The following RBM47 variants were observed in gnomAD, a reference collection of about 807,000 sequenced individuals.
RBM47 encodes RNA-binding protein 47.
A neutral mutation model predicts 47.1 loss-of-function variants in RBM47; 21 were observed. That is an observed-to-expected ratio of 0.45 (90% CI 0.32 to 0.64). RBM47 has a LOEUF of 0.64. Among genes scored for constraint, RBM47 ranks in the 30% least tolerant of loss-of-function variants. The pLI, the probability that RBM47 is intolerant of heterozygous loss-of-function variation, is 0.05. For missense variants in RBM47, 708 were observed against 870.9 expected (o/e 0.81, Z 2.35); for synonymous variants, 375 against 361.7 (o/e 1.04, Z -0.42).
chr4:40,433,537 C>T (rs573458117), intron 5 of RBM47, among the ~76,000 whole-genome samples: 13 of 152,282 alleles, frequency 8.5e-5, no homozygotes, highest in African/African-American at 2.6e-4. Context: ...CAGGCTTAGA[C>T]GAAGAAGTGA....
chr4:40,434,340 C>T (rs1007100937), intron 5 of RBM47, among the ~76,000 whole-genome samples: 4 of 152,108 alleles, frequency 2.6e-5, no homozygotes, highest in Admixed American at 6.6e-5. Flanking sequence ...CAGAAATAGA[C>T]GCCAATCGAT....
chr4:40,462,445 C>T (rs573343582), intron 3 of RBM47, among the ~76,000 whole-genome samples: 1 of 152,292 alleles, frequency 6.6e-6, no homozygotes, highest in African/African-American at 2.4e-5. Flanking sequence ...TATGCACCTA[C>T]ATAACACCCA....
chr4:40,622,297 C>G (rs1737337272), intron 1 of RBM47, among the ~76,000 whole-genome samples: 1 of 152,076 alleles, frequency 6.6e-6, no homozygotes, highest in Non-Finnish European at 1.5e-5. Context: ...CTGGAGGAGG[C>G]AGAGCAAAGA....
intron 1 of RBM47, among the ~76,000 whole-genome samples, chr4:40,585,929 G>A (rs1733533137): frequency 6.6e-6 from 1 of 152,238 alleles, no homozygotes; most frequent in Admixed American, 6.5e-5. Flanking sequence ...GTGGAAGTCT[G>A]GAAGCAGGTA....
chr4:40,519,675 T>A (rs1206037359), intron 2 of RBM47, among the ~76,000 whole-genome samples: 1 of 127,138 alleles, frequency 7.9e-6, no homozygotes, highest in East Asian at 2.1e-4. Flanking sequence ...TTTTTTTTTT[T>A]TTTTTTTTTT....
intron 1 of RBM47, among the ~76,000 whole-genome samples, chr4:40,610,434 C>T (rs2154279169): frequency 6.6e-6 from 1 of 151,910 alleles, no homozygotes; most frequent in East Asian, 1.9e-4. Context: ...CACGGTGAAA[C>T]TCCGTCTCTA....
chr4:40,458,030 T>C (rs1716558077), intron 3 of RBM47, among the ~76,000 whole-genome samples: 1 of 152,220 alleles, frequency 6.6e-6, no homozygotes, highest in Non-Finnish European at 1.5e-5. Flanking sequence ...ACAGTCATTA[T>C]AATGGTGTGT....
chr4:40,500,085 C>T lies in RBM47; in HGVS notation c.-154-33386G>A, dbSNP rs1018868414. Among the ~76,000 whole-genome samples the T allele has an allele frequency of 2.6e-5, 4 of 151,900 alleles. No individual in the cohort carries two copies. In the South Asian group the frequency reaches 6.2e-4, roughly 24 times the overall value. ...ATCCCAACACTGTGGGAGGCCGAGG[C>T]GGGTGGATCACCTGAGGCCAGGAGT... On this transcript the variant is annotated intron_variant, in intron 2 of 6. Transcript: ENST00000295971.
At chr4:40,500,066 A>G (rs1458050018) in intron 2 of RBM47, among the ~76,000 whole-genome samples, 1 of 152,154 alleles carries the variant, frequency 6.6e-6, no homozygotes, top group Admixed American at 6.5e-5. Flanking sequence ...TGTAATCCCA[A>G]CACTGTGGGA....
intron 1 of RBM47, among the ~76,000 whole-genome samples, chr4:40,603,520 C>T (rs957477631): frequency 2.0e-5 from 3 of 151,956 alleles, no homozygotes; most frequent in South Asian, 2.1e-4. Context: ...TTTAGTGACT[C>T]CTCTTTGGCA....
At chr4:40,535,230 T>C (rs1167645283) in intron 2 of RBM47, among the ~76,000 whole-genome samples, 1 of 152,094 alleles carries the variant, frequency 6.6e-6, no homozygotes, top group African/African-American at 2.4e-5. Flanking sequence ...TAGGGTTCCT[T>C]ACAACTCCAA....
chr4:40,519,909 C>G (rs992808821), intron 2 of RBM47, among the ~76,000 whole-genome samples: 1 of 151,972 alleles, frequency 6.6e-6, no homozygotes, highest in African/African-American at 2.4e-5. Flanking sequence ...ACTTCATGAT[C>G]CACCTGCCTT....
At position 40,431,902 on chromosome 4, in the gene RBM47, G is replaced by A. The variant is rs191400563; in HGVS notation, c.1542+749C>T. On this transcript the variant is annotated intron_variant, in intron 6 of 6. Transcript: ENST00000295971. ...CTCACTCTGTTGCCCAGGCTGGAGT[G>A]CAGTAGTGCAATCACAGATCACTGC... Among the ~76,000 whole-genome samples, 468 of 151,818 alleles carry A rather than the reference G, an allele frequency of 3.1e-3. 1 individual carries two copies. The highest frequency in any genetic ancestry group is 0.011 in the African/African-American group (454 of 41,390).
intron 1 of RBM47, among the ~76,000 whole-genome samples, chr4:40,593,666 G>A (rs1019138919): frequency 3.3e-5 from 5 of 151,970 alleles, no homozygotes; most frequent in Non-Finnish European, 7.4e-5. Flanking sequence ...GGATCACGAG[G>A]TCAGGAGATC....
chr4:40,438,902 A>G lies in RBM47; in HGVS notation c.-9T>C. ...GAATCCTCTGCGGTCATAATGTCAA[A>G]GGCATCCACAGCTGGCGGAAACCTG... On this transcript the variant is annotated 5_prime_UTR_variant, in exon 4 of 7. Coordinates refer to ENST00000295971, the MANE Select transcript of RBM47 (RefSeq NM_001098634.2). 6.5e-7 allele frequency: 1 copy of G among 1,527,730 alleles called. No individual in the cohort carries two copies. 94.6% of individuals were successfully genotyped at this position (1,527,730 alleles called of 1,614,324 possible). A position where few individuals can be genotyped will look rare whatever the true frequency, so the allele number is the denominator to read the frequency against.
rs1737755461 is a variant in RBM47 at position 40,626,558 on chromosome 4, T to C, written c.-240+2838A>G. Among the ~76,000 whole-genome samples the C allele has an allele frequency of 2.6e-5, 4 of 152,152 alleles. 1 individual carries two copies. The South Asian group carries it at 8.3e-4, about 32-fold the overall frequency. ...AACTTACCTGTTTCTTGGCCGTTTA[T>C]TCCTCTAGACACTCTCTCCCTTTCT... On this transcript the variant is annotated intron_variant, in intron 1 of 6. Transcript: ENST00000295971.
intron 4 of RBM47, chr4:40,437,032 G>A: frequency 3.5e-6 from 1 of 287,224 alleles, no homozygotes; most frequent in South Asian, 2.9e-5. Flanking sequence ...TTGAGCCCAG[G>A]GGTTCAAGAC....
chr4:40,593,264 C>T (rs1309580031), intron 1 of RBM47, among the ~76,000 whole-genome samples: 2 of 151,106 alleles, frequency 1.3e-5, no homozygotes, highest in Non-Finnish European at 2.9e-5. Context: ...TCCCAAAGTG[C>T]TGGGATTACA....
chr4:40,495,838 T>G lies in RBM47; in HGVS notation c.-154-29139A>C, dbSNP rs546571468. Among the ~76,000 whole-genome samples the G allele has an allele frequency of 2.9e-3, 433 of 151,082 alleles. 1 individual carries two copies. The highest frequency in any genetic ancestry group is 9.9e-3 in the African/African-American group (409 of 41,366). On this transcript the variant is annotated intron_variant, in intron 2 of 6. Coordinates refer to ENST00000295971, the MANE Select transcript of RBM47 (RefSeq NM_001098634.2). ...AAAAGTGGTCACATTGTGCGCGCTC[T>G]CTCTCTCTCTCTTTCCTCTGTAGTA...
Sources: gnomAD v4.1 joint callset for allele counts (sites outside exome capture counted in the v4.1 genomes callset) on GRCh38, gnomAD v4.1.1 for gene constraint, MANE v1.5 for transcripts, NCBI Gene and HGNC (gene_info 2026-07-23, HGNC 2026-07-21) for gene names.